Variants in SMYD1 observed in about 807,000 individuals in gnomAD.
The protein encoded by SMYD1 is histone-lysine N-methyltransferase SMYD1.
In SMYD1, 49 loss-of-function variants were observed where a neutral mutation model predicts 54.0. That is an observed-to-expected ratio of 0.91 (90% CI 0.72 to 1.15). The LOEUF (loss-of-function observed/expected upper bound fraction) is 1.15, where lower values mean the gene tolerates loss of function less well. Ranked by LOEUF, SMYD1 falls within the 50% of genes most tolerant of loss-of-function variation. The pLI is 0.00. For missense variants in SMYD1, 653 were observed against 639.6 expected, an observed-to-expected ratio of 1.02 and a Z score of -0.23; for synonymous variants, 269 against 234.2, an observed-to-expected ratio of 1.15 and a Z score of -1.36.
chr2:88,072,251 A>T (rs1489143782), intron 1 of SMYD1, among the ~76,000 whole-genome samples: 5 of 152,058 alleles, frequency 3.3e-5, no homozygotes, highest in African/African-American at 1.2e-4. Context: ...CCTGGGCTCA[A>T]GTGATTCTCC....
In SMYD1 at chr2:88,112,779, C is replaced by T. The variant is rs916932246; in HGVS notation, c.*2267C>T. 1 of 152,356 alleles carries T rather than the reference C, an allele frequency of 6.6e-6. No homozygotes were observed. The allele number at this position is 152,356 out of a possible 1,614,324, so 9.4% of individuals were successfully genotyped here. ...CCATTGATTTTGGTGACCCACTTCC[C>T]TGTGATGATCTTCTGATCTAGTTTC... On this transcript the variant is annotated 3_prime_UTR_variant, in exon 10 of 10. Coordinates refer to ENST00000419482, the MANE Select transcript of SMYD1 (RefSeq NM_198274.4).
chr2:88,096,904 C>A, intron 6 of SMYD1, 120 bp downstream of exon 6: 1 of 1,007,314 alleles, frequency 9.9e-7, no homozygotes, highest in Non-Finnish European at 1.4e-6. Context: ...AACTGTCACC[C>A]TGGGGAGGAG....
rs35206605 is a variant in SMYD1, at chr2:88,110,234, T to TGTGTGG, written c.1315-120_1315-119insGTGTGG. On this transcript the variant is annotated intron_variant, in intron 9 of 9. Coordinates refer to ENST00000419482, the MANE Select transcript of SMYD1 (RefSeq NM_198274.4). ...GTGTGTGTGTGTGTGTGTGTGTGTG[T>TGTGTGG]ATTCTGAGGGGGTAGAGTTGAATCT... 4.3e-4 allele frequency: 441 copies of TGTGTGG among 1,021,480 alleles called. 1 individual carries two copies. In the African/African-American group the frequency reaches 6.5e-3, roughly 15 times the overall value. The allele number at this position is 1,021,480 out of a possible 1,614,324, so 63.3% of individuals were successfully genotyped here.
At chr2:88,091,845 C>G (rs1161710068) in intron 4 of SMYD1, among the ~76,000 whole-genome samples, 1 of 152,154 alleles carries the variant, frequency 6.6e-6, no homozygotes, top group Non-Finnish European at 1.5e-5. Flanking sequence ...GCTTGGGTGA[C>G]AAAGTGAGAC....
intron 1 of SMYD1, among the ~76,000 whole-genome samples, chr2:88,076,502 C>T (rs995428260): frequency 6.6e-6 from 1 of 152,170 alleles, no homozygotes; most frequent in Non-Finnish European, 1.5e-5. Context: ...GGATTACAGA[C>T]GTGAGCCACC....
chr2:88,099,077 A>C (rs1342415208), intron 6 of SMYD1, among the ~76,000 whole-genome samples: 1 of 151,846 alleles, frequency 6.6e-6, no homozygotes, highest in Non-Finnish European at 1.5e-5. Context: ...ATTCTTTTTT[A>C]AATTTTATTT....
chr2:88,091,942 A>G (rs1674471380), intron 4 of SMYD1, among the ~76,000 whole-genome samples: 1 of 152,210 alleles, frequency 6.6e-6, no homozygotes, highest in Non-Finnish European at 1.5e-5. Context: ...GTGCCCAGGG[A>G]CTAGCAACAC....
At chr2:88,084,125 G>A (rs1392208258) in intron 1 of SMYD1, among the ~76,000 whole-genome samples, 191 bp from the exon 2 acceptor site, 2 of 152,052 alleles carry the variant, frequency 1.3e-5, no homozygotes, top group East Asian at 1.9e-4. Context: ...AAAAAAAATT[G>A]CTAAAGTAAT....
intron 7 of SMYD1, among the ~76,000 whole-genome samples, chr2:88,104,454 C>T (rs1252107702): frequency 3.9e-5 from 6 of 152,182 alleles, no homozygotes; most frequent in East Asian, 3.8e-4. Context: ...GTCAGAGGCA[C>T]GAGGTGGGAG....
chr2:88,094,253 C>T (rs1674526540), intron 5 of SMYD1, among the ~76,000 whole-genome samples: 1 of 152,182 alleles, frequency 6.6e-6, no homozygotes, highest in African/African-American at 2.4e-5. Context: ...TGATTCACAT[C>T]ATCTCTTGGA....
chr2:88,086,643 C>T (rs1674333174), intron 2 of SMYD1, among the ~76,000 whole-genome samples: 1 of 152,196 alleles, frequency 6.6e-6, no homozygotes, highest in Non-Finnish European at 1.5e-5. Flanking sequence ...ACACTGTTTC[C>T]CGGCCTAGAT....
rs181546304 is a variant in SMYD1 at position 88,072,191 on chromosome 2, G to C, written c.137+4190G>C. Among the ~76,000 whole-genome samples, 29 of 152,204 alleles carry C rather than the reference G, an allele frequency of 1.9e-4. No individual in the cohort carries two copies. The East Asian group carries it at 3.3e-3, about 17-fold the overall frequency. On this transcript the variant is annotated intron_variant, in intron 1 of 9. Transcript: ENST00000419482. ...TTTGAGATGAAATCTTGCTCTGTCA[G>C]CCAGGCTGGAGTGTAGTGGTGAGAT...
rs1558844109 is a variant in SMYD1, at chr2:88,068,000, AG to A, written c.137+1del. ...GGCTTATTCCGCAGTGGTTTTTGAC[AG>A]GTATGAAATGTGGGGAGTTGCCTTC... ...ERAYSAVVFD[S>X]LVNFVCHTCF... On this transcript the variant is annotated frameshift_variant and splice_region_variant, in exon 1 of 10. Transcript: ENST00000419482. LOFTEE classifies it high-confidence loss of function. 6.2e-7 allele frequency: 1 copy of A among 1,612,630 alleles called. No homozygotes were observed. Among genetic ancestry groups the A allele is most frequent in the Non-Finnish European group, 8.5e-7 (1 of 1,179,470 alleles).
At chr2:88,102,925 C>A in intron 6 of SMYD1, 133 bp from the exon 7 acceptor site, 2 of 649,586 alleles carry the variant, frequency 3.1e-6, no homozygotes, top group Non-Finnish European at 5.5e-6. Flanking sequence ...GTAGCATTTA[C>A]AGGAATGAGG....
chr2:88,085,765 C>T (rs901957971), intron 2 of SMYD1, among the ~76,000 whole-genome samples: 1 of 152,162 alleles, frequency 6.6e-6, no homozygotes, highest in Non-Finnish European at 1.5e-5. Flanking sequence ...CCAGTGCTGC[C>T]CTGGGCTCCC....
At chr2:88,082,543 C>T (rs1674222518) in intron 1 of SMYD1, 2 of 154,392 alleles carry the variant, frequency 1.3e-5, no homozygotes, top group African/African-American at 4.8e-5. Flanking sequence ...GGATCAGGCT[C>T]AAGGGTCAGG....
At position 88,067,896 on chromosome 2, in the gene SMYD1, T is replaced by A. The variant is rs756307798; in HGVS notation, c.32T>A (p.Val11Asp). 5.6e-6 allele frequency: 9 copies of A among 1,613,876 alleles called. No homozygotes were observed. Among genetic ancestry groups the A allele is most frequent in the Non-Finnish European group, 6.8e-6 (8 of 1,179,976 alleles). Residue 11 changes from valine (V) to aspartate (D), a missense_variant, in exon 1 of 10, where the codon GTC becomes GAC. Coordinates refer to ENST00000419482, the MANE Select transcript of SMYD1 (RefSeq NM_198274.4). ...ATAGGGAGAATGGAGAACGTGGAGG[T>A]CTTCACCGCTGAGGGCAAAGGAAGG... MTIGRMENVE[V>D]FTAEGKGRGL...
chr2:88,084,241 C>A, intron 1 of SMYD1, 75 bp from the exon 2 acceptor site: 1 of 1,301,494 alleles, frequency 7.7e-7, no homozygotes, highest in Non-Finnish European at 1.1e-6. Flanking sequence ...AGTACTGGAA[C>A]ACAGGTGTCC....
chr2:88,109,243 C>T (rs181055228), intron 9 of SMYD1, among the ~76,000 whole-genome samples: 7 of 137,502 alleles, frequency 5.1e-5, no homozygotes, highest in Admixed American at 1.5e-4. Context: ...ACTGAGGAAG[C>T]GTAAACAATG....
Sources: gnomAD v4.1 joint callset for allele counts (sites outside exome capture counted in the v4.1 genomes callset) on GRCh38, gnomAD v4.1.1 for gene constraint, MANE v1.5 for transcripts, NCBI Gene and HGNC (gene_info 2026-07-23, HGNC 2026-07-21) for gene names.